Variants in AMOTL1 observed in about 807,000 individuals in gnomAD.
AMOTL1 encodes the protein angiomotin-like protein 1.
In AMOTL1, 45 loss-of-function variants were observed where a neutral mutation model predicts 102.9. The ratio of observed to expected loss-of-function variants is 0.44; its 90% CI spans 0.34 to 0.56. AMOTL1 has a LOEUF of 0.56. Among genes scored for constraint, AMOTL1 ranks in the 20% least tolerant of loss-of-function variants. The pLI is 0.01. For missense variants in AMOTL1, 1,114 were observed against 1,225.6 expected (o/e 0.91, Z 1.36); for synonymous variants, 481 against 484.7 (o/e 0.99, Z 0.10).
chr11:94,729,869 T>G (rs553461049), intron 2 of AMOTL1, among the ~76,000 whole-genome samples: 5 of 152,272 alleles, frequency 3.3e-5, no homozygotes, highest in Non-Finnish European at 7.4e-5. Context: ...AAGATAGACA[T>G]AGAGAACAAC....
chr11:94,747,806 G>A (rs1950607733), intron 3 of AMOTL1, among the ~76,000 whole-genome samples: 1 of 152,164 alleles, frequency 6.6e-6, no homozygotes, highest in Non-Finnish European at 1.5e-5. Context: ...GATTCTTTCA[G>A]TGATGTTTGC....
chr11:94,779,430 A>G (rs1053053562), intron 1 of AMOTL1, among the ~76,000 whole-genome samples: 4 of 152,176 alleles, frequency 2.6e-5, no homozygotes, highest in African/African-American at 9.7e-5. Flanking sequence ...AGTACGCAAG[A>G]TAGTTTTCTT....
intron 1 of AMOTL1, among the ~76,000 whole-genome samples, chr11:94,727,209 C>A (rs1950275259): frequency 6.6e-6 from 1 of 152,156 alleles, no homozygotes; most frequent in African/African-American, 2.4e-5. Flanking sequence ...CCCAAAGATA[C>A]TGCAAAGATT....
intron 3 of AMOTL1, among the ~76,000 whole-genome samples, chr11:94,753,344 C>T (rs996737795): frequency 2.7e-5 from 4 of 146,342 alleles, no homozygotes; most frequent in Admixed American, 6.9e-5. Context: ...CCCCTCCTTG[C>T]CTTGTCACTC....
chr11:94,829,810 G>A (rs1047113716), intron 4 of AMOTL1, among the ~76,000 whole-genome samples: 16 of 152,286 alleles, frequency 1.1e-4, no homozygotes, highest in African/African-American at 3.8e-4. Flanking sequence ...CTTTTACAAG[G>A]TGACATCAGA....
At chr11:94,771,848 G>C (rs1950958176) in intron 1 of AMOTL1, among the ~76,000 whole-genome samples, 1 of 152,316 alleles carries the variant, frequency 6.6e-6, no homozygotes, top group South Asian at 2.1e-4. Flanking sequence ...GAGTAGGAGA[G>C]TAGCTCTAAG....
upstream of AMOTL1, among the ~76,000 whole-genome samples, chr11:94,763,541 C>G (rs1950820452): frequency 6.6e-6 from 1 of 152,230 alleles, no homozygotes; most frequent in Non-Finnish European, 1.5e-5. Context: ...AATATAACTT[C>G]TGACTCCCCA....
chr11:94,758,925 A>C (rs547257132), intron 3 of AMOTL1, among the ~76,000 whole-genome samples: 3 of 152,326 alleles, frequency 2.0e-5, no homozygotes, highest in African/African-American at 7.2e-5. Context: ...TAAGATGATC[A>C]CAGTCATGTT....
chr11:94,815,808 A>G (rs914510264), intron 3 of AMOTL1, among the ~76,000 whole-genome samples: 1 of 152,134 alleles, frequency 6.6e-6, no homozygotes, highest in African/African-American at 2.4e-5. Context: ...AGAATCTTGT[A>G]TGGTAAATTT....
At chr11:94,719,766 T>C (rs188373316) in intron 1 of AMOTL1, among the ~76,000 whole-genome samples, 35 of 152,270 alleles carry the variant, frequency 2.3e-4, no homozygotes, top group Non-Finnish European at 1.5e-4. Flanking sequence ...TACGCTTTTC[T>C]TTTACAATTA....
intron 8 of AMOTL1, among the ~76,000 whole-genome samples, chr11:94,858,468 C>T (rs1952710423): frequency 6.6e-6 from 1 of 152,240 alleles, no homozygotes. Context: ...CTTGAATGCC[C>T]AGCTGTTGCT....
chr11:94,851,438 G>T (rs1952536511), intron 7 of AMOTL1, among the ~76,000 whole-genome samples: 1 of 152,072 alleles, frequency 6.6e-6, no homozygotes, highest in African/African-American at 2.4e-5. Flanking sequence ...TGAAATCTTT[G>T]GTTGGTTGAA....
At position 94,799,543 on chromosome 11, in the gene AMOTL1, T is replaced by C; in HGVS notation, c.353T>C (p.Leu118Ser). The change falls in exon 3 of 13, where the codon TTG (leucine) becomes TCG (serine). Residue 118 changes from leucine (L) to serine (S), a missense_variant. Leu to Ser is a moderately radical substitution (Grantham distance 145). Transcript: ENST00000433060. This position sits in a 1 kb window ranked among gnomAD's most constrained non-coding sequence, Gnocchi z 4.5. ...RYGTPTENMN[L>S]LAIQHQATGS... ...GGCACCCCAACCGAGAACATGAACT[T>C]GCTGGCCATTCAGCACCAGGCCACA... 6.2e-7 allele frequency: 1 copy of C among 1,613,216 alleles called. No individual in the cohort carries two copies. Among genetic ancestry groups the C allele is most frequent in the Non-Finnish European group, 8.5e-7 (1 of 1,179,710 alleles).
At position 94,821,080 on chromosome 11, in the gene AMOTL1, C is replaced by T. The variant is rs76192608; in HGVS notation, c.1122-450C>T. 2.2e-3 allele frequency among the ~76,000 whole-genome samples: 338 copies of T among 152,282 alleles called. 2 individuals are homozygous for T. Among genetic ancestry groups the T allele is most frequent in the African/African-American group, 7.7e-3 (320 of 41,556 alleles). On this transcript the variant is annotated intron_variant, in intron 3 of 12. Transcript: ENST00000433060. ...TACTCCTTTCCCCCACTTCTTCACC[C>T]GCTCTGTCCAAACCACTGGTTCTTG...
At chr11:94,719,491 C>T (rs1950143931) in intron 1 of AMOTL1, among the ~76,000 whole-genome samples, 1 of 151,658 alleles carries the variant, frequency 6.6e-6, no homozygotes, top group Non-Finnish European at 1.5e-5. Context: ...AGACTTGTGC[C>T]CCATAGATTT....
In AMOTL1 at chr11:94,781,148, G is replaced by A. The variant is rs180761739; in HGVS notation, c.49+12588G>A. ...TCCCCTAGTGAAATAATCATTGTTG[G>A]CTTATATTCCCCTTCATAAGAATTC... On this transcript the variant is annotated intron_variant, in intron 1 of 12. Coordinates refer to ENST00000433060, the MANE Select transcript of AMOTL1 (RefSeq NM_130847.3). Among the ~76,000 whole-genome samples the A allele has an allele frequency of 6.1e-4, 92 of 151,334 alleles. 1 individual carries two copies. The highest frequency in any genetic ancestry group is 6.8e-3 in the Middle Eastern group (2 of 294).
Position 94,875,336 on chromosome 11 carries a change from A to C in AMOTL1, c.*4541A>C, listed in dbSNP as rs1342963841. 6.6e-6 allele frequency: 1 copy of C among 152,224 alleles called. No individual in the cohort carries two copies. The highest frequency in any genetic ancestry group is 1.5e-5 in the Non-Finnish European group (1 of 68,034). The allele number at this position is 152,224 out of a possible 1,614,324, so 9.4% of individuals were successfully genotyped here. A position where few individuals can be genotyped will look rare whatever the true frequency, so the allele number is the denominator to read the frequency against. On this transcript the variant is annotated 3_prime_UTR_variant, in exon 13 of 13. Coordinates refer to ENST00000433060, the MANE Select transcript of AMOTL1 (RefSeq NM_130847.3). ...ATTTTTCCTCTTTCTCTTAAGTAGT[A>C]TACCCTTTTCTCACTTAGTAATTTA... is the stretch of plus-strand genomic sequence containing the variant.
In AMOTL1 at chr11:94,873,495, T is replaced by C. The variant is rs1402273670; in HGVS notation, c.*2700T>C. On this transcript the variant is annotated 3_prime_UTR_variant, in exon 13 of 13. Transcript: ENST00000433060. ...AAAATAATGCAACTATATTTTCTAG[T>C]GTCAACTGTATGCAAACAGTGTGGT... 6.6e-6 allele frequency: 1 copy of C among 152,256 alleles called. No homozygotes were observed. The highest frequency in any genetic ancestry group is 2.4e-5 in the African/African-American group (1 of 41,460). 9.4% of individuals were successfully genotyped at this position (152,256 alleles called of 1,614,324 possible). A position where few individuals can be genotyped will look rare whatever the true frequency, so the allele number is the denominator to read the frequency against.
chr11:94,815,541 G>C (rs1270675921), intron 3 of AMOTL1, among the ~76,000 whole-genome samples: 1 of 151,924 alleles, frequency 6.6e-6, no homozygotes, highest in Non-Finnish European at 1.5e-5. Context: ...AAAATCTAAA[G>C]TTACATAATA....
Sources: gnomAD v4.1 joint callset for allele counts (sites outside exome capture counted in the v4.1 genomes callset) on GRCh38, gnomAD v4.1.1 for gene constraint, Gnocchi (gnomAD v3.1) non-coding constraint, MANE v1.5 for transcripts, NCBI Gene and HGNC (gene_info 2026-07-23, HGNC 2026-07-21) for gene names.